Variants in ZNF407 observed in about 807,000 individuals in gnomAD.
ZNF407 encodes the protein zinc finger protein 407.
ZNF407 carries 17 observed loss-of-function variants against 131.2 expected under a neutral mutation model. That is an observed-to-expected ratio of 0.13 (90% CI 0.09 to 0.19). The LOEUF (loss-of-function observed/expected upper bound fraction) is 0.19. ZNF407 is among the 10% of genes least tolerant of loss of function. ZNF407 has a pLI of 1.00. For synonymous variants in ZNF407, 1,156 were observed against 1,062.0 expected (o/e 1.09, Z -1.72); for missense variants, 2,681 against 2,830.6 (o/e 0.95, Z 1.20).
intron 4 of ZNF407, among the ~76,000 whole-genome samples, chr18:74,818,995 G>A (rs893003655): frequency 6.6e-6 from 1 of 152,108 alleles, no homozygotes; most frequent in Non-Finnish European, 1.5e-5. Context: ...TGTCACAGCT[G>A]GAAACATGGC....
chr18:74,957,178 C>G (rs1972285185), intron 8 of ZNF407, among the ~76,000 whole-genome samples: 1 of 151,340 alleles, frequency 6.6e-6, no homozygotes, highest in Non-Finnish European at 1.5e-5. Flanking sequence ...TGCCTCCTAC[C>G]CTGAGTGCAG....
chr18:74,698,333 A>G (rs1967408859), intron 3 of ZNF407, among the ~76,000 whole-genome samples: 1 of 152,238 alleles, frequency 6.6e-6, no homozygotes, highest in Non-Finnish European at 1.5e-5. Flanking sequence ...AGATGGACAT[A>G]TCAACATCTA....
intron 3 of ZNF407, among the ~76,000 whole-genome samples, chr18:74,745,191 A>G (rs533567728): frequency 3.9e-5 from 6 of 152,300 alleles, no homozygotes; most frequent in East Asian, 1.9e-4. Flanking sequence ...GTGGAGAATC[A>G]TAAATGTACA....
At chr18:74,749,374 G>C (rs1429734787) in intron 3 of ZNF407, among the ~76,000 whole-genome samples, 1 of 152,076 alleles carries the variant, frequency 6.6e-6, no homozygotes, top group Non-Finnish European at 1.5e-5. Context: ...CAACGATGTT[G>C]GGTATGGCCT....
At chr18:74,839,183 A>G (rs1253304111) in intron 4 of ZNF407, among the ~76,000 whole-genome samples, 6 of 152,204 alleles carry the variant, frequency 3.9e-5, no homozygotes, top group Non-Finnish European at 7.3e-5. Flanking sequence ...AAATAATTTC[A>G]TTGGTGCACA....
intron 1 of ZNF407, among the ~76,000 whole-genome samples, chr18:74,616,276 T>G (rs1983285602): frequency 6.6e-6 from 1 of 152,198 alleles, no homozygotes; most frequent in African/African-American, 2.4e-5. Flanking sequence ...GCAAAGGAGT[T>G]TGAAACTTCT....
At position 74,935,711 on chromosome 18, in the gene ZNF407, A is replaced by C. The variant is rs186279996; in HGVS notation, c.5428+15019A>C. Among the ~76,000 whole-genome samples the C allele has an allele frequency of 4.1e-4, 63 of 152,310 alleles. No individual in the cohort carries two copies. In the East Asian group the frequency reaches 9.4e-3, roughly 23 times the overall value. On this transcript the variant is annotated intron_variant, in intron 8 of 8. Transcript: ENST00000299687. ...CTTGAATAATCAGAGAGGTGAGAAG[A>C]GGAGATCGATGGAAGCACCGAGCAG...
chr18:74,662,715 T>C (rs1046636967), intron 3 of ZNF407, among the ~76,000 whole-genome samples: 6 of 152,236 alleles, frequency 3.9e-5, no homozygotes, highest in Admixed American at 2.0e-4. Flanking sequence ...CATGGATTTG[T>C]TTGATTCAGA....
intron 7 of ZNF407, among the ~76,000 whole-genome samples, chr18:74,910,691 A>G (rs2145222906): frequency 6.6e-6 from 1 of 152,278 alleles, no homozygotes; most frequent in East Asian, 1.9e-4. Flanking sequence ...CATTCTTAAT[A>G]CCACCCTCAG....
At chr18:74,621,197 A>C (rs1983495442) in intron 1 of ZNF407, among the ~76,000 whole-genome samples, 1 of 152,210 alleles carries the variant, frequency 6.6e-6, no homozygotes, top group African/African-American at 2.4e-5. Context: ...ACAGGCAAGC[A>C]ATGAGTAATA....
At chr18:74,680,444 G>A (rs1966956562) in intron 3 of ZNF407, among the ~76,000 whole-genome samples, 1 of 151,484 alleles carries the variant, frequency 6.6e-6, no homozygotes, top group South Asian at 2.1e-4. Flanking sequence ...CCCAAATCAG[G>A]GAAAAAAATT....
At chr18:74,972,240 T>C (rs1325989779) in intron 8 of ZNF407, among the ~76,000 whole-genome samples, 1 of 152,150 alleles carries the variant, frequency 6.6e-6, no homozygotes, top group East Asian at 1.9e-4. Flanking sequence ...CTCCTCCACC[T>C]CCTTCTCACT....
At chr18:74,999,701 T>A (rs1160546819) in intron 8 of ZNF407, among the ~76,000 whole-genome samples, 1 of 152,204 alleles carries the variant, frequency 6.6e-6, no homozygotes, top group Non-Finnish European at 1.5e-5. Flanking sequence ...AAAGAATAAA[T>A]TTATATGAAT....
chr18:74,710,124 T>G (rs1967722765), intron 3 of ZNF407, among the ~76,000 whole-genome samples: 1 of 152,228 alleles, frequency 6.6e-6, no homozygotes, highest in African/African-American at 2.4e-5. Flanking sequence ...TTTAACCCGG[T>G]TTTGAATGAT....
At chr18:74,611,553 T>G (rs1983060283) in intron 1 of ZNF407, among the ~76,000 whole-genome samples, 1 of 152,174 alleles carries the variant, frequency 6.6e-6, no homozygotes, top group African/African-American at 2.4e-5. Flanking sequence ...TGATGTATAG[T>G]TTCTTACACA....
rs927196823 is a variant in ZNF407, at chr18:75,065,422, C to T, written c.*954C>T. ...TGGAGACCGTGCCCTGTGGCCCTGC[C>T]GTGGCTGCCAGCATGGTCTGTGTTT... On this transcript the variant is annotated 3_prime_UTR_variant, in exon 9 of 9. Transcript: ENST00000299687. The T allele has an allele frequency of 1.3e-5, 2 of 152,174 alleles. No homozygotes were observed. The highest frequency in any genetic ancestry group is 4.8e-5 in the African/African-American group (2 of 41,436). The allele number at this position is 152,174 out of a possible 1,614,324, so 9.4% of individuals were successfully genotyped here.
intron 7 of ZNF407, among the ~76,000 whole-genome samples, chr18:74,914,938 C>T (rs1415757858): frequency 1.3e-5 from 2 of 152,202 alleles, no homozygotes; most frequent in East Asian, 3.8e-4. Context: ...CTTCCTAGTT[C>T]ATTACAGATG....
chr18:74,864,289 A>C (rs1970979754), intron 4 of ZNF407, among the ~76,000 whole-genome samples: 1 of 152,182 alleles, frequency 6.6e-6, no homozygotes, highest in African/African-American at 2.4e-5. Context: ...ATTTGGTATA[A>C]GGTTAGTGGA....
chr18:74,712,189 G>A (rs1967781613), intron 3 of ZNF407, among the ~76,000 whole-genome samples: 4 of 152,132 alleles, frequency 2.6e-5, no homozygotes, highest in Admixed American at 2.0e-4. Context: ...AATTTAAAAT[G>A]TGGCTATTAG....
Sources: allele counts gnomAD v4.1 joint callset (sites outside exome capture counted in the v4.1 genomes callset), GRCh38; gene constraint gnomAD v4.1.1; transcripts MANE v1.5; gene names NCBI Gene and HGNC (gene_info 2026-07-23, HGNC 2026-07-21).